Variants in SLC6A7 observed in about 807,000 individuals in gnomAD.
SLC6A7 encodes solute carrier family 6 member 7.
Under a neutral mutation model 73.1 loss-of-function variants are expected in SLC6A7, and 58 were observed. That is an observed-to-expected ratio of 0.79 (90% CI 0.64 to 0.99). The LOEUF is 0.99. Among genes scored for constraint, SLC6A7 ranks in the 50% least tolerant of loss-of-function variants. The probability of loss-of-function intolerance (pLI) is 0.00; values close to 1 mark genes in which losing one functional copy is unlikely to be tolerated. For missense variants in SLC6A7, 783 were observed against 831.4 expected, an observed-to-expected ratio of 0.94 and a Z score of 0.72; for synonymous variants, 338 against 338.7, an observed-to-expected ratio of 1.00 and a Z score of 0.02.
At chr5:150,200,716 T>G (rs764146330) in intron 5 of SLC6A7, among the ~76,000 whole-genome samples, 1 of 152,150 alleles carries the variant, frequency 6.6e-6, no homozygotes, top group Non-Finnish European at 1.5e-5. Context: ...TGATGGTGTT[T>G]GCTGAAGCGG....
intron 2 of SLC6A7, among the ~76,000 whole-genome samples, chr5:150,195,953 G>C (rs1752998453): frequency 1.3e-5 from 2 of 152,108 alleles, no homozygotes; most frequent in Admixed American, 1.3e-4. Flanking sequence ...GACAGGCCTT[G>C]GGGGGAGGTG....
chr5:150,209,451 C>G lies in SLC6A7; in HGVS notation c.1747C>G (p.Leu583Val). Residue 583 changes from leucine to valine, a missense_variant, in exon 14 of 14, where the codon CTG becomes GTG. Leu to Val is a conservative substitution (Grantham distance 32). Coordinates refer to ENST00000230671, the MANE Select transcript of SLC6A7 (RefSeq NM_014228.5). ...SRPAMDWGPS[L>V]EENRTGMYVA... ...GCCGGCCATGGACTGGGGACCATCG[C>G]TGGAGGAGAACCGGACGGGCATGTA... is the stretch of plus-strand genomic sequence containing the variant. 1 of 1,614,124 alleles carries G rather than the reference C, an allele frequency of 6.2e-7. No individual in the cohort carries two copies. The highest frequency in any genetic ancestry group is 8.5e-7 in the Non-Finnish European group (1 of 1,180,052).
In SLC6A7 at chr5:150,202,448, T is replaced by G; in HGVS notation, c.960T>G (p.Tyr320Ter). 1 of 1,613,282 alleles carries G rather than the reference T, an allele frequency of 6.2e-7. No individual in the cohort carries two copies. Among genetic ancestry groups the G allele is most frequent in the Non-Finnish European group, 8.5e-7 (1 of 1,179,246 alleles). Residue 320 changes from tyrosine (Y) to a stop codon, truncating the protein, a stop_gained and splice_region_variant, in exon 7 of 14, where the codon TAT becomes TAG. Coordinates refer to ENST00000230671, the MANE Select transcript of SLC6A7 (RefSeq NM_014228.5). LOFTEE classifies it high-confidence loss of function. Reference sequence around the variant, plus strand: ...ACAACACGTTTCACCAGAACATCTATAGGTCAGTGTCCCACAGCCTCCCAG... The same window carrying G: ...ACAACACGTTTCACCAGAACATCTAGAGGTCAGTGTCCCACAGCCTCCCAG... ...ASYNTFHQNI[Y>*]RDTFIVTLGN... is the part of the protein sequence containing the mutation.
chr5:150,208,090 C>G (rs923224024), intron 13 of SLC6A7, among the ~76,000 whole-genome samples: 4 of 151,914 alleles, frequency 2.6e-5, no homozygotes, highest in African/African-American at 9.7e-5. Context: ...GGTCTGAGCA[C>G]CCCCGTTTTC....
In SLC6A7 at chr5:150,210,818, C is replaced by T; in HGVS notation, c.*1203C>T. Reference sequence around the variant, plus strand: ...ACCCACCTTGTTCCAGGACATGGGCCCGGGCCCGGTGTGGGGGTAGACGCA... The same window carrying T: ...ACCCACCTTGTTCCAGGACATGGGCTCGGGCCCGGTGTGGGGGTAGACGCA... On this transcript the variant is annotated 3_prime_UTR_variant, in exon 14 of 14. Coordinates refer to ENST00000230671, the MANE Select transcript of SLC6A7 (RefSeq NM_014228.5). 1 of 152,676 alleles carries T rather than the reference C, an allele frequency of 6.5e-6. No homozygotes were observed. The highest frequency in any genetic ancestry group is 1.5e-5 in the Non-Finnish European group (1 of 68,208). The allele number at this position is 152,676 out of a possible 1,614,324, so 9.5% of individuals were successfully genotyped here.
intron 1 of SLC6A7, among the ~76,000 whole-genome samples, chr5:150,193,514 G>T (rs1168193158): frequency 6.6e-5 from 10 of 152,172 alleles, no homozygotes; most frequent in Non-Finnish European, 1.2e-4. Context: ...CAGCATGCGG[G>T]GAGGGGGAGT....
chr5:150,204,602 C>A lies in SLC6A7; in HGVS notation c.1403C>A (p.Thr468Asn), dbSNP rs1753580640. 2.5e-6 allele frequency: 4 copies of A among 1,613,718 alleles called. No homozygotes were observed. Among genetic ancestry groups the A allele is most frequent in the Non-Finnish European group, 3.4e-6 (4 of 1,179,576 alleles). Residue 468 changes from threonine (T) to asparagine (N), a missense_variant, in exon 11 of 14, where the codon ACC (threonine) becomes AAC (asparagine). Physicochemically the swap from Thr to Asn is moderately conservative, Grantham distance 65 (BLOSUM62 0). Transcript: ENST00000230671. ...ASFGLMVVVI[T>N]TCLAVTRVYG... ...TTCGGGCTGATGGTGGTGGTTATCACCACGTGCCTTGCCGTGACACGGGTG... is the reference window on the plus strand; with the variant it reads ...TTCGGGCTGATGGTGGTGGTTATCAACACGTGCCTTGCCGTGACACGGGTG...
chr5:150,200,943 G>A, intron 5 of SLC6A7, 146 bp from the exon 6 acceptor site: 3 of 729,602 alleles, frequency 4.1e-6, no homozygotes, highest in East Asian at 2.8e-5. Context: ...GTGTGTGAAG[G>A]GAGGAGGGAA....
At chr5:150,192,353 G>A (rs1230391919) in intron 1 of SLC6A7, among the ~76,000 whole-genome samples, 1 of 152,204 alleles carries the variant, frequency 6.6e-6, no homozygotes, top group Non-Finnish European at 1.5e-5. Flanking sequence ...CCCAGCCCCT[G>A]CTGTGAGTCC....
At position 150,196,850 on chromosome 5, in the gene SLC6A7, G is replaced by A. The variant is rs766273743; in HGVS notation, c.349+3G>A. 7 of 1,613,782 alleles carry A rather than the reference G, an allele frequency of 4.3e-6. No individual in the cohort carries two copies. The Admixed American group carries it at 5.0e-5, about 12-fold the overall frequency. ...GAAAATCAGCCCTCTCTTCAAAGGT[G>A]AGGCCTCAGTGGTCCCCAGGGAGGG... On this transcript the variant is annotated splice_donor_region_variant and intron_variant, in intron 3 of 13. Transcript: ENST00000230671.
chr5:150,194,589 C>A, intron 1 of SLC6A7, 139 bp from the exon 2 acceptor site: 2 of 684,192 alleles, frequency 2.9e-6, no homozygotes, highest in Non-Finnish European at 5.1e-6. Flanking sequence ...AAGGTTAGTC[C>A]AGTTGAGAGC....
In SLC6A7 at chr5:150,204,804, T is replaced by C. The variant is rs757685058; in HGVS notation, c.1433-23T>C. 10 of 1,555,876 alleles carry C rather than the reference T, an allele frequency of 6.4e-6. No homozygotes were observed. The East Asian group carries it at 2.0e-4, about 31-fold the overall frequency. ...TTGTGGGGCCGGCGGGTGGGGCCAT[T>C]CCTCCTCCCCTCCCCTGTGCAGGCA... On this transcript the variant is annotated intron_variant, in intron 11 of 13. Coordinates refer to ENST00000230671, the MANE Select transcript of SLC6A7 (RefSeq NM_014228.5).
rs1753351525 is a variant in SLC6A7 at position 150,201,051 on chromosome 5, TC to T, written c.724-34del. On this transcript the variant is annotated intron_variant, in intron 5 of 13. Transcript: ENST00000230671. ...TACAAGGAATGGCACTGAGTCAAGG[TC>T]CCCGATGCCATCAGCTCCTCACTTA... 4 of 1,609,814 alleles carry T rather than the reference TC, an allele frequency of 2.5e-6. No individual in the cohort carries two copies. The East Asian group carries it at 9.0e-5, about 36-fold the overall frequency.
chr5:150,202,746 G>A (rs755264920), intron 8 of SLC6A7, 43 bp downstream of exon 8: 2 of 1,604,546 alleles, frequency 1.2e-6, no homozygotes, highest in Non-Finnish European at 1.7e-6. Context: ...CATGTGTGTT[G>A]GGTAGAGATG....
At chr5:150,207,457 G>C (rs1580874256) in intron 13 of SLC6A7, among the ~76,000 whole-genome samples, 1 of 152,134 alleles carries the variant, frequency 6.6e-6, no homozygotes, top group African/African-American at 2.4e-5. Flanking sequence ...GACCAGGCTG[G>C]TCTTAAACTC....
chr5:150,205,790 T>C (rs981890662), intron 13 of SLC6A7, among the ~76,000 whole-genome samples, 167 bp downstream of exon 13: 1 of 152,196 alleles, frequency 6.6e-6, no homozygotes, highest in Non-Finnish European at 1.5e-5. Context: ...TCCTGCCCTG[T>C]GGCACTTTGT....
In SLC6A7 at chr5:150,209,434, T is replaced by C; in HGVS notation, c.1730T>C (p.Met577Thr). ...CTCCAACAGGCCAGCCGGCCGGCCATGGACTGGGGACCATCGCTGGAGGAG... is the reference window on the plus strand; with the variant it reads ...CTCCAACAGGCCAGCCGGCCGGCCACGGACTGGGGACCATCGCTGGAGGAG... ...ERLQQASRPA[M>T]DWGPSLEENR... The change falls in exon 14 of 14, where the codon ATG (methionine) becomes ACG (threonine). Residue 577 changes from methionine to threonine, a missense_variant. Physicochemically the swap from Met to Thr is moderately conservative, Grantham distance 81. Coordinates refer to ENST00000230671, the MANE Select transcript of SLC6A7 (RefSeq NM_014228.5). The C allele has an allele frequency of 6.2e-7, 1 of 1,613,830 alleles. No individual in the cohort carries two copies. The highest frequency in any genetic ancestry group is 8.5e-7 in the Non-Finnish European group (1 of 1,180,012).
At chr5:150,191,349 ACT>A (rs1752774345) in intron 1 of SLC6A7, among the ~76,000 whole-genome samples, 1 of 151,776 alleles carries the variant, frequency 6.6e-6, no homozygotes, top group African/African-American at 2.4e-5. Flanking sequence ...ACTCACACTC[ACT>A]CACACACACA....
At chr5:150,198,115 G>A (rs758592) in intron 4 of SLC6A7, among the ~76,000 whole-genome samples, 876 of 77,408 alleles carry the variant, frequency 0.011, 24 homozygotes, top group African/African-American at 0.028. Flanking sequence ...AAGAAAGAAA[G>A]AGAAAGAAAG....
Sources: gnomAD v4.1 joint callset for allele counts (sites outside exome capture counted in the v4.1 genomes callset) on GRCh38, gnomAD v4.1.1 for gene constraint, MANE v1.5 for transcripts, NCBI Gene and HGNC (gene_info 2026-07-23, HGNC 2026-07-21) for gene names.